The following MAP7 variants were observed in gnomAD, a reference collection of about 807,000 sequenced individuals.
MAP7 encodes the protein microtubule associated protein 7, also known as ensconsin.
Under a neutral mutation model 94.8 loss-of-function variants are expected in MAP7, and 52 were observed. The observed-to-expected ratio is 0.55, with a 90% CI of 0.44 to 0.69. The LOEUF (loss-of-function observed/expected upper bound fraction) is 0.69, where lower values mean the gene tolerates loss of function less well. Ranked by LOEUF, MAP7 falls within the 30% of genes least tolerant of loss-of-function variation. The probability of loss-of-function intolerance (pLI) is 0.00; values close to 1 mark genes in which losing one functional copy is unlikely to be tolerated. For synonymous variants in MAP7, 350 were observed against 357.0 expected (o/e 0.98, Z 0.22); for missense variants, 940 against 964.6 (o/e 0.97, Z 0.34).
chr6:136,412,575 T>C (rs1787829420), intron 2 of MAP7, among the ~76,000 whole-genome samples: 1 of 152,148 alleles, frequency 6.6e-6, no homozygotes, highest in Non-Finnish European at 1.5e-5. Context: ...ATAATGATGT[T>C]CCATAGAAAG....
At chr6:136,510,925 T>C (rs1212710774) in intron 1 of MAP7, among the ~76,000 whole-genome samples, 1 of 151,900 alleles carries the variant, frequency 6.6e-6, no homozygotes, top group East Asian at 1.9e-4. Context: ...AGCAAATCAT[T>C]GTTTGCTGAA....
intron 13 of MAP7, 32 bp from the exon 14 acceptor site, chr6:136,360,063 T>C: frequency 1.3e-6 from 2 of 1,566,090 alleles, no homozygotes; most frequent in Non-Finnish European, 1.7e-6. Context: ...GCAAGAAGAT[T>C]AGACACAGAA....
At chr6:136,441,367 C>A (rs1404690291) in intron 1 of MAP7, among the ~76,000 whole-genome samples, 1 of 151,816 alleles carries the variant, frequency 6.6e-6, no homozygotes, top group Non-Finnish European at 1.5e-5. Context: ...TGCAAAAAAA[C>A]AAATTCAGGA....
At chr6:136,525,708 G>T in intron 1 of MAP7, 1 of 1,003,856 alleles carries the variant, frequency 1.0e-6, no homozygotes, top group Non-Finnish European at 1.4e-6. Flanking sequence ...AGCAAACCGT[G>T]CTAGGAGGTC....
intron 11 of MAP7, among the ~76,000 whole-genome samples, 168 bp from the exon 12 acceptor site, chr6:136,361,347 G>C (rs534328419): frequency 1.5e-4 from 23 of 152,322 alleles, no homozygotes; most frequent in Non-Finnish European, 2.9e-4. Flanking sequence ...GCCACCCTTA[G>C]ACTTCCTCCC....
At chr6:136,489,526 CTTTTTTTT>C (rs1164047042) in intron 1 of MAP7, among the ~76,000 whole-genome samples, 7 of 102,988 alleles carry the variant, frequency 6.8e-5, no homozygotes, top group East Asian at 2.9e-4. Context: ...CATCAGGTTT[CTTTTTTTT>C]TTTTTTTTTT....
intron 8 of MAP7, 92 bp downstream of exon 8, chr6:136,372,409 T>G: frequency 6.8e-7 from 1 of 1,462,224 alleles, no homozygotes; most frequent in Non-Finnish European, 9.3e-7. Context: ...CTCCCCCTCT[T>G]ACGCCCACAC....
chr6:136,450,827 A>G (rs1376890942), intron 1 of MAP7, among the ~76,000 whole-genome samples: 8 of 152,010 alleles, frequency 5.3e-5, no homozygotes, highest in Admixed American at 1.3e-4. Flanking sequence ...TGTGAAGAGG[A>G]GGCATTAAAT....
Position 136,411,698 on chromosome 6 carries a change from C to G in MAP7, c.167-1G>C. 1.3e-6 allele frequency: 2 copies of G among 1,557,178 alleles called. No homozygotes were observed. Among genetic ancestry groups the G allele is most frequent in the Non-Finnish European group, 1.7e-6 (2 of 1,150,140 alleles). On this transcript the variant is annotated splice_acceptor_variant, in intron 2 of 17. Transcript: ENST00000354570. LOFTEE classifies it high-confidence loss of function. ...TCAACACGTAACACAGGCGGAGGGT[C>G]TGAAAGCGAGATTAAAAAAAACATG...
At chr6:136,493,829 G>C (rs1284655446) in intron 1 of MAP7, among the ~76,000 whole-genome samples, 2 of 152,076 alleles carry the variant, frequency 1.3e-5, no homozygotes, top group African/African-American at 2.4e-5. Flanking sequence ...TCTAAGAATG[G>C]CATTAGACTC....
At chr6:136,514,477 T>C (rs1265501011) in intron 1 of MAP7, among the ~76,000 whole-genome samples, 2 of 150,262 alleles carry the variant, frequency 1.3e-5, no homozygotes, top group African/African-American at 4.9e-5. Flanking sequence ...TCCCAGCTTC[T>C]TGGGAGGCTG....
At chr6:136,481,620 T>C (rs1032491433) in intron 1 of MAP7, among the ~76,000 whole-genome samples, 4 of 152,122 alleles carry the variant, frequency 2.6e-5, no homozygotes, top group Admixed American at 6.5e-5. Flanking sequence ...GGAAGAGTAG[T>C]GCAAGTGGTG....
At chr6:136,540,973 G>C (rs1829260836) in intron 1 of MAP7, among the ~76,000 whole-genome samples, 1 of 152,116 alleles carries the variant, frequency 6.6e-6, no homozygotes, top group African/African-American at 2.4e-5. Context: ...CATAACCTTG[G>C]GGTCAAGGAG....
intron 1 of MAP7, chr6:136,525,701 AAACCGTGCTAGGAGGT>A: frequency 1.1e-6 from 1 of 937,776 alleles, no homozygotes; most frequent in Non-Finnish European, 1.5e-6. Flanking sequence ...CACTACCAGC[AAACCGTGCTAGGAGGT>A]CACAAGCACT....
At chr6:136,466,971 C>A (rs1807338661) in intron 1 of MAP7, 1 of 1,234,306 alleles carries the variant, frequency 8.1e-7, no homozygotes, top group Non-Finnish European at 1.1e-6. Flanking sequence ...TACAACTCGA[C>A]AGCCACTGTT....
Position 136,366,012 on chromosome 6 carries a change from C to A in MAP7, c.996G>T (p.Pro332=), listed in dbSNP as rs113341608. Residue 332 remains proline, a synonymous_variant, in exon 10 of 18, where the codon CCG becomes CCT. Coordinates refer to ENST00000354570, the MANE Select transcript of MAP7 (RefSeq NM_003980.6). Reference sequence around the variant, plus strand: ...CAGGCAAATGAGGAAGAGACTTGGACGGAAGCCTGGGCCACAAACAAACAA... The same window carrying A: ...CAGGCAAATGAGGAAGAGACTTGGAAGGAAGCCTGGGCCACAAACAAACAA... The part of the protein sequence containing the change: ...RQPARSRLWL[P]SKSLPHLPGT... 1.9e-6 allele frequency: 3 copies of A among 1,607,478 alleles called. No homozygotes were observed. Among genetic ancestry groups the A allele is most frequent in the Non-Finnish European group, 2.5e-6 (3 of 1,178,486 alleles).
intron 10 of MAP7, among the ~76,000 whole-genome samples, chr6:136,363,842 T>C (rs1793525051): frequency 6.6e-6 from 1 of 152,226 alleles, no homozygotes; most frequent in Non-Finnish European, 1.5e-5. Context: ...CCCTGTGTTC[T>C]ATCTGGCAAC....
chr6:136,450,661 G>A (rs1046533536), intron 1 of MAP7, among the ~76,000 whole-genome samples: 3 of 152,004 alleles, frequency 2.0e-5, no homozygotes, highest in Non-Finnish European at 4.4e-5. Flanking sequence ...GCTCACGCCT[G>A]TAATCCCAGC....
intron 10 of MAP7, among the ~76,000 whole-genome samples, chr6:136,365,359 T>G (rs774160382): frequency 1.3e-5 from 2 of 152,200 alleles, no homozygotes; most frequent in South Asian, 2.1e-4. Context: ...ACTAGAGATA[T>G]TGAACTTCAA....
Sources: allele counts gnomAD v4.1 joint callset (sites outside exome capture counted in the v4.1 genomes callset), GRCh38; gene constraint gnomAD v4.1.1; transcripts MANE v1.5; gene names NCBI Gene and HGNC (gene_info 2026-07-23, HGNC 2026-07-21).